OXR1: variants seen among roughly 807,000 people sequenced by gnomAD.
OXR1 encodes the protein oxidation resistance 1.
Under a neutral mutation model 104.6 loss-of-function variants are expected in OXR1, and 41 were observed. The ratio of observed to expected loss-of-function variants is 0.39; its 90% CI spans 0.31 to 0.51. The LOEUF is 0.51. OXR1 is among the 20% of genes least tolerant of loss of function. The probability of loss-of-function intolerance (pLI) is 0.77; values close to 1 mark genes in which losing one functional copy is unlikely to be tolerated. For synonymous variants in OXR1, 348 were observed against 348.4 expected (o/e 1.00, Z 0.01); for missense variants, 955 against 1,031.9 (o/e 0.93, Z 1.02).
intron 16 of OXR1, among the ~76,000 whole-genome samples, 167 bp from the exon 17 acceptor site, chr8:106,750,639 T>G (rs1835824581): frequency 6.6e-6 from 1 of 152,094 alleles, no homozygotes; most frequent in Non-Finnish European, 1.5e-5. Flanking sequence ...CCATAAATAA[T>G]TTTTTAATGG....
chr8:106,509,125 A>G (rs1313880499), intron 2 of OXR1, among the ~76,000 whole-genome samples: 2 of 152,260 alleles, frequency 1.3e-5, no homozygotes, highest in African/African-American at 2.4e-5. Context: ...ATAGCGTGTT[A>G]CAAATCACTC....
At chr8:106,411,291 AAG>A (rs1323755466) in intron 2 of OXR1, among the ~76,000 whole-genome samples, 1 of 152,158 alleles carries the variant, frequency 6.6e-6, no homozygotes, top group Non-Finnish European at 1.5e-5. Flanking sequence ...AAGGAGTAGG[AAG>A]AGAGTGGCAT....
At chr8:106,413,724 CTT>C (rs147530944) in intron 2 of OXR1, among the ~76,000 whole-genome samples, 10 of 73,470 alleles carry the variant, frequency 1.4e-4, no homozygotes, top group Non-Finnish European at 8.0e-5. Context: ...GCTGTATCTA[CTT>C]TTTTTTTTTT....
At chr8:106,521,245 A>G (rs1813233681) in intron 3 of OXR1, among the ~76,000 whole-genome samples, 1 of 152,184 alleles carries the variant, frequency 6.6e-6, no homozygotes, top group Admixed American at 6.5e-5. Context: ...GTAATAAACA[A>G]TAAAAATTTT....
chr8:106,501,191 A>C (rs1315450542), intron 2 of OXR1, among the ~76,000 whole-genome samples: 1 of 152,130 alleles, frequency 6.6e-6, no homozygotes, highest in Non-Finnish European at 1.5e-5. Flanking sequence ...TGACACAATC[A>C]AGGTTCACTG....
chr8:106,291,793 G>T (rs1306034407), intron 1 of OXR1, among the ~76,000 whole-genome samples: 1 of 152,164 alleles, frequency 6.6e-6, no homozygotes, highest in Non-Finnish European at 1.5e-5. Context: ...AGGCAAAGGA[G>T]AAGCAAAAGC....
chr8:106,624,585 G>A (rs1276757541), intron 3 of OXR1, among the ~76,000 whole-genome samples: 1 of 152,144 alleles, frequency 6.6e-6, no homozygotes, highest in South Asian at 2.1e-4. Flanking sequence ...GATAGCTGAG[G>A]GCTGGGTATA....
At chr8:106,290,918 T>C (rs1812722991) in intron 1 of OXR1, among the ~76,000 whole-genome samples, 1 of 152,176 alleles carries the variant, frequency 6.6e-6, no homozygotes, top group Non-Finnish European at 1.5e-5. Context: ...AGAGTTGCCA[T>C]TTGACCCACT....
chr8:106,544,784 A>C (rs1474165474), intron 3 of OXR1, among the ~76,000 whole-genome samples: 1 of 152,182 alleles, frequency 6.6e-6, no homozygotes, highest in Non-Finnish European at 1.5e-5. Context: ...AGTATCTCCT[A>C]TTATTTAATT....
chr8:106,615,063 C>T (rs1173676771), intron 3 of OXR1, among the ~76,000 whole-genome samples: 2 of 152,140 alleles, frequency 1.3e-5, no homozygotes, highest in African/African-American at 4.8e-5. Context: ...TTATGCCTGT[C>T]ATCCTAGCAC....
chr8:106,543,380 C>G lies in OXR1; in HGVS notation c.220+24241C>G, dbSNP rs1161331912. Among the ~76,000 whole-genome samples, 3 of 152,144 alleles carry G rather than the reference C, an allele frequency of 2.0e-5. No individual in the cohort carries two copies. In the East Asian group the frequency reaches 5.8e-4, roughly 29 times the overall value. ...ATGATTCTGAACACTGCATTCACAT[C>G]AAACAAAAGATAAGACCAACAAAAA... On this transcript the variant is annotated intron_variant, in intron 3 of 16. Coordinates refer to ENST00000517566, the MANE Select transcript of OXR1 (RefSeq NM_001198533.2).
chr8:106,283,055 G>A (rs184544503), intron 1 of OXR1, among the ~76,000 whole-genome samples: 1 of 152,158 alleles, frequency 6.6e-6, no homozygotes, highest in South Asian at 2.1e-4. Flanking sequence ...GTGAACACTG[G>A]TGTGGTCCAG....
At chr8:106,452,450 A>G (rs1422995514) in intron 2 of OXR1, among the ~76,000 whole-genome samples, 1 of 152,210 alleles carries the variant, frequency 6.6e-6, no homozygotes, top group African/African-American at 2.4e-5. Context: ...AGTAAGTTTT[A>G]ATTAACAGGA....
At chr8:106,574,743 A>C (rs1817707695) in intron 3 of OXR1, among the ~76,000 whole-genome samples, 2 of 152,256 alleles carry the variant, frequency 1.3e-5, no homozygotes, top group Admixed American at 1.3e-4. Flanking sequence ...TGGAAAGAAC[A>C]TAAGATTCTT....
intron 3 of OXR1, among the ~76,000 whole-genome samples, chr8:106,548,351 G>A (rs1339438695): frequency 1.3e-5 from 2 of 152,128 alleles, no homozygotes; most frequent in African/African-American, 4.8e-5. Context: ...CTCCCAACAA[G>A]CCAAAATGTC....
chr8:106,410,375 A>C (rs1356701782), intron 2 of OXR1, among the ~76,000 whole-genome samples: 1 of 152,152 alleles, frequency 6.6e-6, no homozygotes, highest in East Asian at 1.9e-4. Context: ...GTGATTATTA[A>C]GTATCTTTTA....
chr8:106,517,190 GT>G (rs762396361), intron 2 of OXR1, among the ~76,000 whole-genome samples: 1 of 152,124 alleles, frequency 6.6e-6, no homozygotes, highest in Non-Finnish European at 1.5e-5. Flanking sequence ...CCTTCATGTT[GT>G]TGTCAATGTA....
intron 3 of OXR1, among the ~76,000 whole-genome samples, chr8:106,631,541 T>C (rs1052229210): frequency 1.3e-5 from 2 of 152,222 alleles, no homozygotes; most frequent in Admixed American, 1.3e-4. Flanking sequence ...AAAATGTTTT[T>C]GTGGTCTTAA....
intron 2 of OXR1, among the ~76,000 whole-genome samples, chr8:106,365,365 G>A (rs1291269956): frequency 6.6e-6 from 1 of 151,062 alleles, no homozygotes; most frequent in East Asian, 1.9e-4. Context: ...TTGTAAAGGA[G>A]TAGAGACAGA....
Sources: allele counts gnomAD v4.1 joint callset (sites outside exome capture counted in the v4.1 genomes callset), GRCh38; gene constraint gnomAD v4.1.1; transcripts MANE v1.5; gene names NCBI Gene and HGNC (gene_info 2026-07-23, HGNC 2026-07-21).